ARHGAP18: variants seen among roughly 807,000 people sequenced by gnomAD.
ARHGAP18 encodes rho GTPase-activating protein 18.
A neutral mutation model predicts 86.2 loss-of-function variants in ARHGAP18; 67 were observed. The observed-to-expected ratio is 0.78, with a 90% CI of 0.64 to 0.95. The LOEUF is 0.95. Among genes scored for constraint, ARHGAP18 ranks in the 40% least tolerant of loss-of-function variants. The pLI is 0.00. For synonymous variants in ARHGAP18, 283 were observed against 280.4 expected (o/e 1.01, Z -0.09); for missense variants, 691 against 780.4 (o/e 0.89, Z 1.37).
intron 1 of ARHGAP18, among the ~76,000 whole-genome samples, chr6:129,701,213 C>A (rs536868799): frequency 1.3e-5 from 2 of 152,072 alleles, no homozygotes; most frequent in African/African-American, 4.8e-5. Context: ...CATTCTCAAA[C>A]GTTACACATT....
chr6:129,632,615 C>T (rs745671952), intron 4 of ARHGAP18, among the ~76,000 whole-genome samples: 1 of 152,108 alleles, frequency 6.6e-6, no homozygotes, highest in Non-Finnish European at 1.5e-5. Context: ...GCTTGCTTGC[C>T]ACTTCAGCAT....
In ARHGAP18 at chr6:129,675,789, C is replaced by T. The variant is rs527396849; in HGVS notation, c.114-33771G>A. 1.2e-3 allele frequency among the ~76,000 whole-genome samples: 180 copies of T among 152,200 alleles called. 2 individuals are homozygous for T. Among genetic ancestry groups the T allele is most frequent in the African/African-American group, 4.0e-3 (168 of 41,520 alleles). On this transcript the variant is annotated intron_variant, in intron 1 of 14. Coordinates refer to ENST00000368149, the MANE Select transcript of ARHGAP18 (RefSeq NM_033515.3). Reference sequence around the variant, plus strand: ...GGTAATAAATTCCCCTCCATACGTCCCTATGTCTACCTGAGCTGTCAATCA... The same window carrying T: ...GGTAATAAATTCCCCTCCATACGTCTCTATGTCTACCTGAGCTGTCAATCA...
intron 1 of ARHGAP18, among the ~76,000 whole-genome samples, chr6:129,684,774 C>A (rs1379646980): frequency 6.6e-6 from 1 of 152,170 alleles, no homozygotes; most frequent in Non-Finnish European, 1.5e-5. Context: ...TTACCCAAAT[C>A]ATGAAAGCCA....
intron 1 of ARHGAP18, among the ~76,000 whole-genome samples, chr6:129,655,058 C>T (rs527942822): frequency 8.6e-4 from 131 of 152,164 alleles, no homozygotes; most frequent in African/African-American, 3.0e-3. Flanking sequence ...CGGTGGCTCA[C>T]GCCTGTAAGC....
At chr6:129,606,944 T>G (rs1193102804) in intron 9 of ARHGAP18, among the ~76,000 whole-genome samples, 1 of 151,616 alleles carries the variant, frequency 6.6e-6, no homozygotes, top group Non-Finnish European at 1.5e-5. Context: ...CACTGCAACC[T>G]CCACCTCTCA....
Position 129,611,604 on chromosome 6 carries a change from A to C in ARHGAP18, c.1051T>G (p.Ser351Ala), listed in dbSNP as rs774345812. 6.2e-7 allele frequency: 1 copy of C among 1,613,536 alleles called. No individual in the cohort carries two copies. The highest frequency in any genetic ancestry group is 1.1e-5 in the South Asian group (1 of 91,070). The change falls in exon 8 of 15, where the codon TCT becomes GCT. Residue 351 changes from serine to alanine, a missense_variant. Ser to Ala is a moderately conservative substitution (Grantham distance 99, BLOSUM62 1). Transcript: ENST00000368149. The stretch of plus-strand genomic sequence containing the variant: ...TCCAAACCTCTCTCTTCAATTCGAG[A>C]AATCAGCTGTGCATAAACAGAGAAA... ...RIPLIFQKLI[S>A]RIEERGLETE...
rs775054997 is a variant in ARHGAP18 at position 129,576,410 on chromosome 6, G to C, written c.*2103C>G. On this transcript the variant is annotated 3_prime_UTR_variant, in exon 15 of 15. Coordinates refer to ENST00000368149, the MANE Select transcript of ARHGAP18 (RefSeq NM_033515.3). ...CCAGTGCTTGAGGCTGCAGTTAGCC[G>C]CGAATGCACTGCTGTACTCCAATCT... is the stretch of plus-strand genomic sequence containing the variant. The C allele has an allele frequency of 6.6e-6, 1 of 152,096 alleles. No individual in the cohort carries two copies. Among genetic ancestry groups the C allele is most frequent in the African/African-American group, 2.4e-5 (1 of 41,404 alleles). 9.4% of individuals were successfully genotyped at this position (152,096 alleles called of 1,614,324 possible).
intron 14 of ARHGAP18, 85 bp from the exon 15 acceptor site, chr6:129,578,689 A>C: frequency 1.7e-6 from 2 of 1,158,794 alleles, no homozygotes; most frequent in South Asian, 1.4e-5. Flanking sequence ...TTTAACTCTT[A>C]AGTCTTGGAC....
intron 1 of ARHGAP18, among the ~76,000 whole-genome samples, chr6:129,702,104 A>G (rs776472121): frequency 1.6e-4 from 24 of 152,250 alleles, no homozygotes; most frequent in African/African-American, 5.8e-4. Context: ...TACCAAATGC[A>G]TATGAAAAGG....
chr6:129,604,345 G>T (rs1274363864), intron 10 of ARHGAP18, among the ~76,000 whole-genome samples: 1 of 152,134 alleles, frequency 6.6e-6, no homozygotes, highest in Non-Finnish European at 1.5e-5. Flanking sequence ...CCGAAGAAGA[G>T]TTCCAGCTCA....
intron 1 of ARHGAP18, among the ~76,000 whole-genome samples, chr6:129,700,441 T>G (rs1224210433): frequency 6.6e-6 from 1 of 152,246 alleles, no homozygotes; most frequent in Non-Finnish European, 1.5e-5. Flanking sequence ...AACACTTTTT[T>G]AGGGTACTTT....
intron 1 of ARHGAP18, among the ~76,000 whole-genome samples, chr6:129,708,953 T>C (rs1182575306): frequency 2.0e-5 from 3 of 152,242 alleles, no homozygotes; most frequent in East Asian, 1.9e-4. Context: ...GTGGATGCTA[T>C]GTGAGAAACA....
chr6:129,625,029 A>G (rs13210040), intron 5 of ARHGAP18, among the ~76,000 whole-genome samples: 103 of 74,842 alleles, frequency 1.4e-3, no homozygotes, highest in Middle Eastern at 6.4e-3. Context: ...ATGATATATG[A>G]TATATATTTA....
Position 129,576,752 on chromosome 6 carries a change from C to T in ARHGAP18, c.*1761G>A, listed in dbSNP as rs981822752. On this transcript the variant is annotated 3_prime_UTR_variant, in exon 15 of 15. Transcript: ENST00000368149. The stretch of plus-strand genomic sequence containing the variant: ...CTATCTTTTTTTTTGAAGTTGTATA[C>T]TCCTAAAATGTTTTAAGCACTTAAT... 4 of 151,786 alleles carry T rather than the reference C, an allele frequency of 2.6e-5. No individual in the cohort carries two copies. The highest frequency in any genetic ancestry group is 5.9e-5 in the Non-Finnish European group (4 of 67,974). The allele number at this position is 151,786 out of a possible 1,614,324, so 9.4% of individuals were successfully genotyped here.
At chr6:129,604,210 C>G (rs956413490) in intron 10 of ARHGAP18, among the ~76,000 whole-genome samples, 5 of 150,666 alleles carry the variant, frequency 3.3e-5, no homozygotes, top group Admixed American at 6.6e-5. Context: ...ACTCCCCCCC[C>G]CCTTAATTAT....
In ARHGAP18 at chr6:129,600,768, C is replaced by T; in HGVS notation, c.1446G>A (p.Met482Ile). Residue 482 changes from methionine to isoleucine, a missense_variant, in exon 11 of 15, where the codon ATG (methionine) becomes ATA (isoleucine). By Grantham distance (10) the Met-to-Ile change is conservative (BLOSUM62 1). Coordinates refer to ENST00000368149, the MANE Select transcript of ARHGAP18 (RefSeq NM_033515.3). ...KMTVMNVAMV[M>I]APNLFMCHAL... ...CATGACACATAAAGAGATTCGGGGC[C>T]ATGACCATTGCTACATTCATGACTG... 6.2e-7 allele frequency: 1 copy of T among 1,613,728 alleles called. No homozygotes were observed. Among genetic ancestry groups the T allele is most frequent in the Non-Finnish European group, 8.5e-7 (1 of 1,179,814 alleles).
chr6:129,579,939 T>A (rs1020426151), intron 14 of ARHGAP18, 131 bp downstream of exon 14: 10 of 788,858 alleles, frequency 1.3e-5, no homozygotes, highest in Non-Finnish European at 1.2e-5. Context: ...AAATCCACAA[T>A]ATTCAGCAAC....
intron 7 of ARHGAP18, among the ~76,000 whole-genome samples, chr6:129,614,004 T>A (rs986489371): frequency 3.9e-5 from 6 of 152,152 alleles, no homozygotes; most frequent in Admixed American, 1.3e-4. Context: ...GTGAAAACAC[T>A]AGATTTGATA....
At chr6:129,625,776 TATATATATA>T (rs1405968380) in intron 5 of ARHGAP18, among the ~76,000 whole-genome samples, 1 of 48,946 alleles carries the variant, frequency 2.0e-5, no homozygotes, top group Non-Finnish European at 3.6e-5. Context: ...TATATATATT[TATATATATA>T]ATATATATTT....
Sources: gnomAD v4.1 joint callset for allele counts (sites outside exome capture counted in the v4.1 genomes callset) on GRCh38, gnomAD v4.1.1 for gene constraint, MANE v1.5 for transcripts, NCBI Gene and HGNC (gene_info 2026-07-23, HGNC 2026-07-21) for gene names.